Variants in PRKAG2 observed in about 807,000 individuals in gnomAD.
PRKAG2 encodes 5'-AMP-activated protein kinase subunit gamma-2.
PRKAG2 carries 26 observed loss-of-function variants against 69.6 expected under a neutral mutation model. The ratio of observed to expected loss-of-function variants is 0.37; its 90% CI spans 0.27 to 0.52. The LOEUF is 0.52. Ranked by LOEUF, PRKAG2 falls within the 20% of genes least tolerant of loss-of-function variation. The pLI, the probability that PRKAG2 is intolerant of heterozygous loss-of-function variation, is 0.90. For missense variants in PRKAG2, 557 were observed against 740.0 expected (o/e 0.75, Z 2.87); for synonymous variants, 293 against 285.0 (o/e 1.03, Z -0.28).
At chr7:151,648,949 A>G (rs578023160) in intron 4 of PRKAG2, among the ~76,000 whole-genome samples, 233 of 152,220 alleles carry the variant, frequency 1.5e-3, no homozygotes, top group South Asian at 6.8e-3. Context: ...ATAATAAAGA[A>G]ATAGAGTGTA....
At chr7:151,875,877 C>T (rs2080385698) in intron 1 of PRKAG2, among the ~76,000 whole-genome samples, 1 of 152,126 alleles carries the variant, frequency 6.6e-6, no homozygotes, top group African/African-American at 2.4e-5. Flanking sequence ...GATTAGGGAG[C>T]TCCGAGCCCC....
At chr7:151,843,039 T>C (rs1413064236) in intron 1 of PRKAG2, among the ~76,000 whole-genome samples, 3 of 152,048 alleles carry the variant, frequency 2.0e-5, no homozygotes, top group East Asian at 1.9e-4. Flanking sequence ...CAGCAGGCAT[T>C]TGAAAGACAC....
At chr7:151,782,232 G>A (rs1023590692) in intron 2 of PRKAG2, among the ~76,000 whole-genome samples, 14 of 151,494 alleles carry the variant, frequency 9.2e-5, no homozygotes, top group Admixed American at 3.3e-4. Context: ...GCAGTGAGCC[G>A]AGATGGCGCC....
At chr7:151,825,249 C>T (rs1372513891) in intron 1 of PRKAG2, among the ~76,000 whole-genome samples, 2 of 152,090 alleles carry the variant, frequency 1.3e-5, no homozygotes, top group South Asian at 4.1e-4. Context: ...GGCTTCTTTG[C>T]CCTGGCATTG....
rs536800180 is a variant in PRKAG2 at position 151,723,422 on chromosome 7, G to A, written c.467-47785C>T. Among the ~76,000 whole-genome samples, 93 of 152,306 alleles carry A rather than the reference G, an allele frequency of 6.1e-4. 1 individual carries two copies. The highest frequency in any genetic ancestry group is 1.7e-3 in the African/African-American group (70 of 41,574). ...GCCTACACTTCTACTTATACAGATC[G>A]AGTTAGAATGTAGTAGGCTTCCCAT... is the stretch of plus-strand genomic sequence containing the variant. On this transcript the variant is annotated intron_variant, in intron 3 of 15. Transcript: ENST00000287878.
intron 3 of PRKAG2, among the ~76,000 whole-genome samples, chr7:151,715,163 G>A (rs1375869759): frequency 1.4e-5 from 2 of 146,624 alleles, no homozygotes; most frequent in Non-Finnish European, 3.0e-5. Flanking sequence ...TTACAGGTGC[G>A]TGCCACCATG....
In PRKAG2 at chr7:151,850,422, C is replaced by A. The variant is rs1455622284; in HGVS notation, c.114+26085G>T. On this transcript the variant is annotated intron_variant, in intron 1 of 15. Coordinates refer to ENST00000287878, the MANE Select transcript of PRKAG2 (RefSeq NM_016203.4). This position sits in a 1 kb window ranked among gnomAD's most constrained non-coding sequence, Gnocchi z 4.1. Reference sequence around the variant, plus strand: ...TAGAAAGGAAGAAATGAACAGGAGGCAGAAGGGCAACCTGTCCCATGCTCT... The same window carrying A: ...TAGAAAGGAAGAAATGAACAGGAGGAAGAAGGGCAACCTGTCCCATGCTCT... 1.3e-5 allele frequency among the ~76,000 whole-genome samples: 2 copies of A among 152,242 alleles called. No homozygotes were observed. The highest frequency in any genetic ancestry group is 4.8e-5 in the African/African-American group (2 of 41,458).
rs1433088986 is a variant in PRKAG2 at position 151,735,819 on chromosome 7, C to CT, written c.466+45332dup. 1.1e-5 allele frequency: 17 copies of CT among 1,511,074 alleles called. No individual in the cohort carries two copies. The East Asian group carries it at 3.4e-4, about 31-fold the overall frequency. 93.6% of individuals were successfully genotyped at this position (1,511,074 alleles called of 1,614,324 possible). ...AGAGAGTGGCTGGAAACAGCTACTG[C>CT]TTAGGAGGGTGTGCACACACGCCGT... On this transcript the variant is annotated intron_variant, in intron 3 of 15. Transcript: ENST00000287878.
At chr7:151,783,007 C>A (rs1372562693) in intron 2 of PRKAG2, among the ~76,000 whole-genome samples, 1 of 152,244 alleles carries the variant, frequency 6.6e-6, no homozygotes, top group Admixed American at 6.5e-5. Context: ...ACACAGGACA[C>A]CCCACAGGCA....
chr7:151,798,138 A>G (rs776956420), intron 1 of PRKAG2, among the ~76,000 whole-genome samples: 160 of 150,910 alleles, frequency 1.1e-3, no homozygotes, highest in Non-Finnish European at 1.7e-3. Flanking sequence ...TGAGTAGCTG[A>G]GATTACAGGC....
chr7:151,790,135 C>T (rs1410712110), intron 1 of PRKAG2, among the ~76,000 whole-genome samples: 1 of 152,146 alleles, frequency 6.6e-6, no homozygotes, highest in Non-Finnish European at 1.5e-5. Flanking sequence ...CCCCAGCCCC[C>T]AGCATGAAGC....
chr7:151,832,228 GAAGGA>G (rs1369924421), intron 1 of PRKAG2, among the ~76,000 whole-genome samples: 3,340 of 53,986 alleles, frequency 0.062, 220 homozygotes, highest in African/African-American at 0.16. Flanking sequence ...GGGGAGGAGG[GAAGGA>G]GAGGAGGAGG....
chr7:151,642,618 T>C (rs914242680), intron 4 of PRKAG2, among the ~76,000 whole-genome samples: 3 of 152,354 alleles, frequency 2.0e-5, no homozygotes, highest in African/African-American at 4.8e-5. Context: ...GCTTTCTGAA[T>C]AACAATTTCA....
intron 3 of PRKAG2, among the ~76,000 whole-genome samples, chr7:151,740,661 A>G (rs1205848569): frequency 6.6e-6 from 1 of 152,232 alleles, no homozygotes; most frequent in Non-Finnish European, 1.5e-5. Context: ...AAAGATAAAC[A>G]ATGCTAACTG....
chr7:151,799,374 T>G (rs2077711085), intron 1 of PRKAG2, among the ~76,000 whole-genome samples: 1 of 152,224 alleles, frequency 6.6e-6, no homozygotes, highest in South Asian at 2.1e-4. Flanking sequence ...CTGGTAACAG[T>G]AACTCTTACA....
chr7:151,812,364 T>G (rs1421610549), intron 1 of PRKAG2, among the ~76,000 whole-genome samples: 1 of 152,184 alleles, frequency 6.6e-6, no homozygotes, highest in Non-Finnish European at 1.5e-5. Flanking sequence ...GAGACCTGAA[T>G]ACTTTTAAAG....
intron 3 of PRKAG2, among the ~76,000 whole-genome samples, chr7:151,696,714 G>A (rs576627015): frequency 3.7e-4 from 56 of 152,348 alleles, no homozygotes; most frequent in African/African-American, 1.2e-3. Context: ...CAGATCCATC[G>A]GAAGGCAGGG....
intron 1 of PRKAG2, among the ~76,000 whole-genome samples, chr7:151,855,487 T>C (rs1246937529): frequency 1.5e-4 from 5 of 33,086 alleles, no homozygotes; most frequent in South Asian, 3.0e-3. Flanking sequence ...CACACCACCC[T>C]CCACACACCA....
chr7:151,831,610 G>A (rs898430690), intron 1 of PRKAG2, among the ~76,000 whole-genome samples: 2 of 152,214 alleles, frequency 1.3e-5, no homozygotes, highest in Non-Finnish European at 2.9e-5. Context: ...CTTACAGCAG[G>A]TTTAGGCAAA....
Sources: gnomAD v4.1 joint callset for allele counts (sites outside exome capture counted in the v4.1 genomes callset) on GRCh38, gnomAD v4.1.1 for gene constraint, Gnocchi (gnomAD v3.1) non-coding constraint, MANE v1.5 for transcripts, NCBI Gene and HGNC (gene_info 2026-07-23, HGNC 2026-07-21) for gene names.